The following MND1 variants were observed in gnomAD, a reference collection of about 807,000 sequenced individuals.
MND1 encodes the protein meiotic nuclear division protein 1 homolog.
In MND1, 28 loss-of-function variants were observed where a neutral mutation model predicts 35.1. That is an observed-to-expected ratio of 0.80 (90% CI 0.59 to 1.09). MND1 has a LOEUF of 1.09. Among genes scored for constraint, MND1 ranks in the 50% least tolerant of loss-of-function variants. MND1 has a pLI of 0.00. For synonymous variants in MND1, 69 were observed against 70.5 expected, an observed-to-expected ratio of 0.98 and a Z score of 0.11; for missense variants, 213 against 239.6, an observed-to-expected ratio of 0.89 and a Z score of 0.73.
intron 4 of MND1, among the ~76,000 whole-genome samples, chr4:153,380,568 G>A (rs576334219): frequency 6.6e-6 from 1 of 152,304 alleles, no homozygotes; most frequent in East Asian, 1.9e-4. Flanking sequence ...CATCCTCTGA[G>A]CACATTACCA....
chr4:153,409,115 G>T, intron 7 of MND1, 100 bp downstream of exon 7: 1 of 581,404 alleles, frequency 1.7e-6, no homozygotes. Flanking sequence ...TTCAAGAAAG[G>T]ACGTTAATGA....
At chr4:153,385,858 A>G (rs1398861427) in intron 4 of MND1, among the ~76,000 whole-genome samples, 1 of 152,106 alleles carries the variant, frequency 6.6e-6, no homozygotes, top group Non-Finnish European at 1.5e-5. Context: ...CTTCATGATG[A>G]CAAGGTGGAT....
In MND1 at chr4:153,361,726, T is replaced by C. The variant is rs892468896; in HGVS notation, c.276+3104T>C. The C allele has an allele frequency of 2.6e-5, 9 of 350,156 alleles. 1 individual carries two copies. Among genetic ancestry groups the C allele is most frequent in the South Asian group, 2.0e-4 (9 of 45,558 alleles). The allele number at this position is 350,156 out of a possible 1,614,324, so 21.7% of individuals were successfully genotyped here. ...GGTGGTGGGTGCCTGTAGTCCCAGC[T>C]ACTGGGGAGGCTGGGGCAGGAGAAT... On this transcript the variant is annotated intron_variant, in intron 4 of 7. Transcript: ENST00000240488.
chr4:153,349,094 C>CT lies in MND1; in HGVS notation c.4-954dup, dbSNP rs56180318. ...AGAACTGGAGGTGATAGTTCTCACT[C>CT]TTTTTTTTTTTTTTTTCTGTAAACC... On this transcript the variant is annotated intron_variant, in intron 1 of 7. Coordinates refer to ENST00000240488, the MANE Select transcript of MND1 (RefSeq NM_032117.4). Among the ~76,000 whole-genome samples, 557 of 137,542 alleles carry CT rather than the reference C, an allele frequency of 4.0e-3. 1 individual carries two copies. The highest frequency in any genetic ancestry group is 6.4e-3 in the Non-Finnish European group (410 of 63,632). The allele number at this position is 137,542 out of a possible 152,430, so 90.2% of individuals were successfully genotyped here. A position where few individuals can be genotyped will look rare whatever the true frequency, so the allele number is the denominator to read the frequency against.
chr4:153,358,607 G>C lies in MND1; in HGVS notation c.261G>C (p.Glu87Asp). The stretch of plus-strand genomic sequence containing the variant: ...TTCATGCAAGGAAACATAAGTTGGA[G>C]GTTCTGGAATCTCAGGTAAGCTGCC... Reference protein sequence around the residue: ...KALHARKHKLEVLESQLSEGS... With the variant: ...KALHARKHKLDVLESQLSEGS... The change falls in exon 4 of 8, where the codon GAG becomes GAC. Residue 87 changes from glutamate (E) to aspartate (D), a missense_variant. Coordinates refer to ENST00000240488, the MANE Select transcript of MND1 (RefSeq NM_032117.4). 1 of 1,612,132 alleles carries C rather than the reference G, an allele frequency of 6.2e-7. No homozygotes were observed. Among genetic ancestry groups the C allele is most frequent in the Non-Finnish European group, 8.5e-7 (1 of 1,179,308 alleles).
intron 4 of MND1, among the ~76,000 whole-genome samples, chr4:153,359,580 A>C (rs79218749): frequency 0.051 from 7,724 of 152,172 alleles, 284 homozygotes; most frequent in Non-Finnish European, 0.076. Context: ...TGGTAAGTTT[A>C]TGTTTACTTT....
chr4:153,402,696 C>A (rs1035210043), intron 6 of MND1, among the ~76,000 whole-genome samples: 2 of 152,010 alleles, frequency 1.3e-5, no homozygotes, highest in African/African-American at 4.8e-5. Flanking sequence ...TGGAGGACAC[C>A]AATAGGAAAA....
At chr4:153,369,552 A>C (rs977588726) in intron 4 of MND1, among the ~76,000 whole-genome samples, 1 of 152,212 alleles carries the variant, frequency 6.6e-6, no homozygotes. Flanking sequence ...CATGTTTTTA[A>C]AAACTAATGT....
At chr4:153,386,124 C>G (rs1728851140) in intron 4 of MND1, among the ~76,000 whole-genome samples, 2 of 151,952 alleles carry the variant, frequency 1.3e-5, no homozygotes, top group Non-Finnish European at 2.9e-5. Context: ...ACCTTTCATT[C>G]AGTTGTACTT....
chr4:153,350,008 G>C (rs1773173081), intron 1 of MND1, 56 bp from the exon 2 acceptor site: 2 of 1,244,774 alleles, frequency 1.6e-6, no homozygotes, highest in Admixed American at 4.1e-5. Flanking sequence ...TGCAAATCCA[G>C]TTGTTTTCAA....
intron 7 of MND1, among the ~76,000 whole-genome samples, chr4:153,413,830 G>A (rs570516450): frequency 6.6e-6 from 1 of 152,140 alleles, no homozygotes; most frequent in South Asian, 2.1e-4. Context: ...TTCTATTATG[G>A]CACTGGGATA....
At chr4:153,378,584 T>C (rs1728574777) in intron 4 of MND1, among the ~76,000 whole-genome samples, 1 of 152,226 alleles carries the variant, frequency 6.6e-6, no homozygotes. Flanking sequence ...ATCCATGGAA[T>C]ACACTTTGGA....
chr4:153,396,982 T>C lies in MND1; in HGVS notation c.352-237T>C, dbSNP rs749824503. Among the ~76,000 whole-genome samples the C allele has an allele frequency of 3.3e-5, 5 of 152,260 alleles. No homozygotes were observed. The South Asian group carries it at 1.0e-3, about 32-fold the overall frequency. ...ATTTATGAGCATTCCATTCTACATA[T>C]TAACTCCCATTTAGTTATTCAATAT... On this transcript the variant is annotated intron_variant, in intron 5 of 7. Transcript: ENST00000240488.
chr4:153,355,879 T>C (rs534106127), intron 3 of MND1, 168 bp downstream of exon 3: 32 of 567,006 alleles, frequency 5.6e-5, no homozygotes, highest in Non-Finnish European at 9.2e-5. Flanking sequence ...ACCACTGTCA[T>C]GTTGTCCTTT....
intron 4 of MND1, among the ~76,000 whole-genome samples, chr4:153,360,448 T>C (rs963333208): frequency 7.9e-5 from 12 of 152,042 alleles, no homozygotes; most frequent in Non-Finnish European, 1.6e-4. Flanking sequence ...TTTTGTAGTT[T>C]TGCATTTTAC....
rs951970597 is a variant in MND1 at position 153,345,596 on chromosome 4, G to A, written c.3+856G>A. 4 of 930,480 alleles carry A rather than the reference G, an allele frequency of 4.3e-6. No individual in the cohort carries two copies. The African/African-American group carries it at 7.7e-5, about 18-fold the overall frequency. The allele number at this position is 930,480 out of a possible 1,614,324, so 57.6% of individuals were successfully genotyped here. A position where few individuals can be genotyped will look rare whatever the true frequency, so the allele number is the denominator to read the frequency against. On this transcript the variant is annotated intron_variant, in intron 1 of 7. Transcript: ENST00000240488. ...GTTTCATGCCGTTTTTTCTGCTTCA[G>A]TTGGCGAAGAATCAACATCTGGTTA...
At position 153,384,258 on chromosome 4, in the gene MND1, C is replaced by CTTTTTTTT; in HGVS notation, c.277-9984_277-9977dup. On this transcript the variant is annotated intron_variant, in intron 4 of 7. Transcript: ENST00000240488. ...TCCATATTTCCATTTCTACTTTCTG[C>CTTTTTTTT]TTTTTTTTTTTTTTTTTTTTTTTTT... Among the ~76,000 whole-genome samples the CTTTTTTTT allele has an allele frequency of 3.6e-5, 2 of 55,358 alleles. 1 individual carries two copies. The allele number at this position is 55,358 out of a possible 152,430, so 36.3% of individuals were successfully genotyped here. A position where few individuals can be genotyped will look rare whatever the true frequency, so the allele number is the denominator to read the frequency against.
chr4:153,390,817 C>T (rs191293807), intron 4 of MND1, among the ~76,000 whole-genome samples: 51 of 151,694 alleles, frequency 3.4e-4, no homozygotes, highest in Non-Finnish European at 5.7e-4. Flanking sequence ...CACTGCATTC[C>T]AGCCCCTGTC....
intron 6 of MND1, among the ~76,000 whole-genome samples, chr4:153,403,304 A>G (rs9790697): frequency 0.21 from 31,465 of 152,162 alleles, 3,474 homozygotes; most frequent in East Asian, 0.27. Context: ...AGCAAGAAGC[A>G]AAGACTAAGT....
Sources: allele counts gnomAD v4.1 joint callset (sites outside exome capture counted in the v4.1 genomes callset), GRCh38; gene constraint gnomAD v4.1.1; transcripts MANE v1.5; gene names NCBI Gene and HGNC (gene_info 2026-07-23, HGNC 2026-07-21).